The following KIAA1328 variants were observed in gnomAD, a reference collection of about 807,000 sequenced individuals.
The protein encoded by KIAA1328 is KIAA1328, also known as protein hinderin.
Under a neutral mutation model 68.1 loss-of-function variants are expected in KIAA1328, and 52 were observed. The ratio of observed to expected loss-of-function variants is 0.76; its 90% CI spans 0.61 to 0.96. The LOEUF is 0.96. KIAA1328 is among the 40% of genes least tolerant of loss of function. The probability of loss-of-function intolerance (pLI) is 0.00; values close to 1 mark genes in which losing one functional copy is unlikely to be tolerated. For synonymous variants in KIAA1328, 232 were observed against 239.4 expected, an observed-to-expected ratio of 0.97 and a Z score of 0.28; for missense variants, 641 against 677.6, an observed-to-expected ratio of 0.95 and a Z score of 0.60.
chr18:37,128,237 G>A (rs1013062752), intron 7 of KIAA1328, among the ~76,000 whole-genome samples: 5 of 152,180 alleles, frequency 3.3e-5, no homozygotes, highest in African/African-American at 1.2e-4. Flanking sequence ...GGGAGGCCAA[G>A]GTTGGTGGAT....
intron 5 of KIAA1328, among the ~76,000 whole-genome samples, chr18:36,940,923 C>G (rs1304608135): frequency 6.6e-6 from 1 of 152,088 alleles, no homozygotes; most frequent in East Asian, 1.9e-4. Context: ...ATCCACCCGC[C>G]TCGGCCTCCC....
At chr18:37,031,803 C>A (rs1222180782) in intron 6 of KIAA1328, among the ~76,000 whole-genome samples, 2 of 151,830 alleles carry the variant, frequency 1.3e-5, no homozygotes, top group East Asian at 1.9e-4. Context: ...TTTGTTATTT[C>A]TATTCTATAC....
At chr18:37,176,322 A>G (rs1173674124) in intron 9 of KIAA1328, among the ~76,000 whole-genome samples, 1 of 152,266 alleles carries the variant, frequency 6.6e-6, no homozygotes, top group Non-Finnish European at 1.5e-5. Context: ...AATACTGACC[A>G]TAAGACATCA....
At chr18:37,072,712 A>G (rs775770162) in intron 7 of KIAA1328, among the ~76,000 whole-genome samples, 2 of 152,086 alleles carry the variant, frequency 1.3e-5, no homozygotes, top group Non-Finnish European at 2.9e-5. Flanking sequence ...ACATAGGTAT[A>G]CGGGTACCAT....
At chr18:36,858,546 G>T (rs924532653) in intron 4 of KIAA1328, among the ~76,000 whole-genome samples, 6 of 151,968 alleles carry the variant, frequency 3.9e-5, no homozygotes, top group Non-Finnish European at 7.4e-5. Flanking sequence ...ACTTTGTTTT[G>T]GTTTTCCTGG....
chr18:37,204,012 A>T (rs902563013), intron 9 of KIAA1328, among the ~76,000 whole-genome samples: 1 of 152,036 alleles, frequency 6.6e-6, no homozygotes, highest in African/African-American at 2.4e-5. Flanking sequence ...GGGTTTCACC[A>T]TGTTAGCCAG....
At chr18:37,132,462 G>T (rs1303419790) in intron 7 of KIAA1328, among the ~76,000 whole-genome samples, 1 of 152,162 alleles carries the variant, frequency 6.6e-6, no homozygotes, top group African/African-American at 2.4e-5. Context: ...TTTTTGTAAT[G>T]CACATTGGTC....
intron 4 of KIAA1328, among the ~76,000 whole-genome samples, chr18:36,857,172 G>T (rs2047412420): frequency 6.6e-6 from 1 of 152,160 alleles, no homozygotes; most frequent in Admixed American, 6.5e-5. Context: ...GCATGGCTAT[G>T]GCTATCAGCA....
intron 1 of KIAA1328, chr18:36,832,971 G>A (rs889855626): frequency 6.6e-6 from 1 of 151,566 alleles, no homozygotes; most frequent in Non-Finnish European, 1.5e-5. Context: ...GGAGTAGCTG[G>A]GACTACAGGC....
At chr18:36,876,324 G>C (rs985426577) in intron 4 of KIAA1328, among the ~76,000 whole-genome samples, 8 of 151,856 alleles carry the variant, frequency 5.3e-5, no homozygotes, top group African/African-American at 1.9e-4. Context: ...TTGGTTGGTA[G>C]GCTATTAATT....
At chr18:37,229,551 T>C (rs1317112213), downstream of KIAA1328, 2 of 1,274,892 alleles carry the variant, frequency 1.6e-6, no homozygotes, top group South Asian at 1.3e-5. Flanking sequence ...CTTCTTCCCT[T>C]CTCTTTCCTA....
intron 6 of KIAA1328, among the ~76,000 whole-genome samples, chr18:36,997,937 C>T (rs1283948940): frequency 6.6e-6 from 1 of 152,080 alleles, no homozygotes; most frequent in Non-Finnish European, 1.5e-5. Flanking sequence ...GAAGGATGTG[C>T]CTTCCCCACC....
At chr18:36,919,405 A>G (rs2049834528) in intron 5 of KIAA1328, among the ~76,000 whole-genome samples, 1 of 152,090 alleles carries the variant, frequency 6.6e-6, no homozygotes. Flanking sequence ...TATACAGTCT[A>G]ACAATTCCTG....
intron 5 of KIAA1328, among the ~76,000 whole-genome samples, chr18:36,894,437 A>G (rs1196097466): frequency 1.3e-5 from 2 of 152,080 alleles, no homozygotes; most frequent in Non-Finnish European, 2.9e-5. Flanking sequence ...ACCTGACTTC[A>G]TTCCTTGTGT....
At chr18:37,206,383 A>G (rs1311977055) in intron 9 of KIAA1328, among the ~76,000 whole-genome samples, 2 of 152,176 alleles carry the variant, frequency 1.3e-5, no homozygotes, top group Admixed American at 6.6e-5. Context: ...TGAGGAACAT[A>G]TCTGTTCTCT....
chr18:37,087,505 T>G (rs1255430577), intron 7 of KIAA1328, among the ~76,000 whole-genome samples: 4 of 152,244 alleles, frequency 2.6e-5, no homozygotes, highest in Non-Finnish European at 4.4e-5. Flanking sequence ...CTCTTCCTGC[T>G]GAATTGTGTC....
At chr18:37,063,324 T>G (rs1470598416) in intron 6 of KIAA1328, among the ~76,000 whole-genome samples, 1 of 152,114 alleles carries the variant, frequency 6.6e-6, no homozygotes, top group Admixed American at 6.5e-5. Flanking sequence ...ATCTCCAACC[T>G]TATGTGGGGT....
intron 7 of KIAA1328, chr18:37,084,456 C>A: frequency 2.0e-5 from 5 of 254,970 alleles, no homozygotes; most frequent in Non-Finnish European, 3.6e-5. Context: ...CCCTTTTCTA[C>A]TATTTCTTTT....
intron 9 of KIAA1328, among the ~76,000 whole-genome samples, chr18:37,183,404 A>G (rs1169372193): frequency 3.9e-5 from 6 of 152,152 alleles, no homozygotes; most frequent in Non-Finnish European, 7.3e-5. Flanking sequence ...GATGGGCCCC[A>G]GTGATGTGTA....
Sources: gnomAD v4.1 joint callset for allele counts (sites outside exome capture counted in the v4.1 genomes callset) on GRCh38, gnomAD v4.1.1 for gene constraint, MANE v1.5 for transcripts, NCBI Gene and HGNC (gene_info 2026-07-23, HGNC 2026-07-21) for gene names.